PLIN5: variants seen among roughly 807,000 people sequenced by gnomAD.
The protein encoded by PLIN5 is perilipin 5.
In PLIN5, 34 loss-of-function variants were observed where a neutral mutation model predicts 32.8. That is an observed-to-expected ratio of 1.04 (90% CI 0.79 to 1.38). PLIN5 has a LOEUF of 1.38. Ranked by LOEUF, PLIN5 falls within the 40% of genes most tolerant of loss-of-function variation. The probability of loss-of-function intolerance (pLI) is 0.00; values close to 1 mark genes in which losing one functional copy is unlikely to be tolerated. For missense variants in PLIN5, 712 were observed against 660.5 expected (o/e 1.08, Z -0.85); for synonymous variants, 309 against 292.9 (o/e 1.05, Z -0.56).
At chr19:4,533,826 C>T (rs774822888) in intron 2 of PLIN5, 189 bp downstream of exon 2, 1 of 647,854 alleles carries the variant, frequency 1.5e-6, no homozygotes, top group Non-Finnish European at 2.6e-6. Flanking sequence ...AGAGACACTC[C>T]CCTCCCAGGG....
Position 4,523,079 on chromosome 19 carries a change from T to TTTTTTC in PLIN5, c.*448_*449insGAAAAA, listed in dbSNP as rs1491477649. 2.1e-5 allele frequency: 1 copy of TTTTTTC among 48,280 alleles called. No individual in the cohort carries two copies. The highest frequency in any genetic ancestry group is 2.6e-4 in the Admixed American group (1 of 3,862). The allele number at this position is 48,280 out of a possible 1,614,324, so 3.0% of individuals were successfully genotyped here. ...ACAGGTGCACACCACCACACCTGGCTTTTTTTTTTTTTTTCTTTCTTTCTA... is the reference window on the plus strand; with the variant it reads ...ACAGGTGCACACCACCACACCTGGCTTTTTTCTTTTTTTTTTTTTTCTTTCTTTCTA... On this transcript the variant is annotated 3_prime_UTR_variant, in exon 8 of 8. Coordinates refer to ENST00000381848, the MANE Select transcript of PLIN5 (RefSeq NM_001013706.3). The surrounding 1 kb of genome is among the most constrained non-coding windows in gnomAD (Gnocchi z 5.0).
rs1438200612 is a variant in PLIN5, at chr19:4,525,937, C to T, written c.521-105G>A. On this transcript the variant is annotated intron_variant, in intron 5 of 7. Coordinates refer to ENST00000381848, the MANE Select transcript of PLIN5 (RefSeq NM_001013706.3). The surrounding 1 kb of genome is among the most constrained non-coding windows in gnomAD (Gnocchi z 5.6). ...ACAGGATACGGGGACAGCACGGGGACAGGATACGGGGACAGCACGGGGACA... is the reference window on the plus strand; with the variant it reads ...ACAGGATACGGGGACAGCACGGGGATAGGATACGGGGACAGCACGGGGACA... 3.1e-6 allele frequency: 2 copies of T among 639,084 alleles called. No individual in the cohort carries two copies. The highest frequency in any genetic ancestry group is 1.9e-5 in the South Asian group (1 of 52,260). 39.6% of individuals were successfully genotyped at this position (639,084 alleles called of 1,614,324 possible).
chr19:4,534,131 C>T, intron 1 of PLIN5, 36 bp from the exon 2 acceptor site: 3 of 1,557,364 alleles, frequency 1.9e-6, no homozygotes, highest in Non-Finnish European at 2.6e-6. Flanking sequence ...AGCACCTGCC[C>T]AGGCATCAGA....
At position 4,525,882 on chromosome 19, in the gene PLIN5, AC is replaced by A. The variant is rs1976795704; in HGVS notation, c.521-51del. The A allele has an allele frequency of 1.2e-6, 1 of 845,428 alleles. No homozygotes were observed. Among genetic ancestry groups the A allele is most frequent in the African/African-American group, 3.4e-5 (1 of 29,354 alleles). 52.4% of individuals were successfully genotyped at this position (845,428 alleles called of 1,614,324 possible). A position where few individuals can be genotyped will look rare whatever the true frequency, so the allele number is the denominator to read the frequency against. On this transcript the variant is annotated intron_variant, in intron 5 of 7. Coordinates refer to ENST00000381848, the MANE Select transcript of PLIN5 (RefSeq NM_001013706.3). This position sits in a 1 kb window ranked among gnomAD's most constrained non-coding sequence, Gnocchi z 5.6. ...CACGGGGACAGGATACGGGGACAGCACGGGGACAGGATACGGGGACAGCACG... is the reference window on the plus strand; with the variant it reads ...CACGGGGACAGGATACGGGGACAGCAGGGGACAGGATACGGGGACAGCACG...
At chr19:4,533,959 G>A (rs1976917199) in intron 2 of PLIN5, 56 bp downstream of exon 2, 1 of 1,575,436 alleles carries the variant, frequency 6.3e-7, no homozygotes, top group Non-Finnish European at 8.6e-7. Context: ...GCTCCTAGAA[G>A]GGACTGTCCC....
Position 4,523,189 on chromosome 19 carries a change from T to G in PLIN5, c.*339A>C. The G allele has an allele frequency of 4.6e-6, 1 of 218,668 alleles. No homozygotes were observed. The highest frequency in any genetic ancestry group is 1.7e-4 in the South Asian group (1 of 5,980). The allele number at this position is 218,668 out of a possible 1,614,324, so 13.5% of individuals were successfully genotyped here. ...ATCCACCTGCCTCAGACTCCCAAAG[T>G]GCTGGGATTACAGGCGTGAGCCACT... On this transcript the variant is annotated 3_prime_UTR_variant, in exon 8 of 8. Transcript: ENST00000381848. This position sits in a 1 kb window ranked among gnomAD's most constrained non-coding sequence, Gnocchi z 5.0.
In PLIN5 at chr19:4,531,720, A is replaced by T; in HGVS notation, c.163T>A (p.Ser55Thr). Residue 55 changes from serine to threonine, a missense_variant, in exon 3 of 8, where the codon TCC becomes ACC. By Grantham distance (58) the Ser-to-Thr change is moderately conservative. Transcript: ENST00000381848. Reference protein sequence around the residue: ...AAKDRHPLLGSACRLAENCVC... With the variant: ...AAKDRHPLLGTACRLAENCVC... ...CAGTTCTCAGCCAGGCGGCAGGCGG[A>T]GCCCAGCAGCGGGTGCCTGTCCTTG... is the stretch of plus-strand genomic sequence containing the variant. 1 of 1,590,362 alleles carries T rather than the reference A, an allele frequency of 6.3e-7. No individual in the cohort carries two copies. The highest frequency in any genetic ancestry group is 2.3e-5 in the East Asian group (1 of 43,578).
intron 4 of PLIN5, 129 bp downstream of exon 4, chr19:4,529,655 C>T: frequency 2.0e-6 from 1 of 508,100 alleles, no homozygotes. Context: ...ACACACGTTG[C>T]AGTTATTTTA....
rs191817105 is a variant in PLIN5, at chr19:4,527,437, G to T, written c.521-1605C>A. ...ACCTCTAGTTCCATTTGTCTAGGAG[G>T]ATGAGGCAGGAGAATCACTTGAACC... On this transcript the variant is annotated intron_variant, in intron 5 of 7. Transcript: ENST00000381848. Among the ~76,000 whole-genome samples the T allele has an allele frequency of 2.1e-3, 305 of 145,944 alleles. 1 individual carries two copies. The highest frequency in any genetic ancestry group is 3.0e-3 in the Non-Finnish European group (200 of 66,762).
In PLIN5 at chr19:4,529,780, G is replaced by T; in HGVS notation, c.339+4C>A. On this transcript the variant is annotated splice_donor_region_variant and intron_variant, in intron 4 of 7. Coordinates refer to ENST00000381848, the MANE Select transcript of PLIN5 (RefSeq NM_001013706.3). ...AGGTCCCCATGTCTAGTCGTCCGGG[G>T]TACCGTCTCCGAAGGTTGCTGGAGA... is the stretch of plus-strand genomic sequence containing the variant. 2 of 1,611,614 alleles carry T rather than the reference G, an allele frequency of 1.2e-6. No individual in the cohort carries two copies. The highest frequency in any genetic ancestry group is 8.5e-7 in the Non-Finnish European group (1 of 1,178,264).
Position 4,525,950 on chromosome 19 carries a change from C to G in PLIN5, c.521-118G>C. ...ACAGCACGGGGACAGGATACGGGGA[C>G]AGCACGGGGACAGCATGGGGTCAGC... On this transcript the variant is annotated intron_variant, in intron 5 of 7. Transcript: ENST00000381848. The surrounding 1 kb of genome is among the most constrained non-coding windows in gnomAD (Gnocchi z 5.6). 1.5e-6 allele frequency: 1 copy of G among 663,372 alleles called. No individual in the cohort carries two copies. The highest frequency in any genetic ancestry group is 2.4e-6 in the Non-Finnish European group (1 of 409,700). The allele number at this position is 663,372 out of a possible 1,614,324, so 41.1% of individuals were successfully genotyped here. A position where few individuals can be genotyped will look rare whatever the true frequency, so the allele number is the denominator to read the frequency against.
intron 3 of PLIN5, among the ~76,000 whole-genome samples, 169 bp downstream of exon 3, chr19:4,531,458 G>A (rs1479899635): frequency 2.0e-5 from 3 of 152,000 alleles, no homozygotes; most frequent in Admixed American, 2.0e-4. Flanking sequence ...TCAGATTAAA[G>A]AAGGACTTAA....
rs1976861257 is a variant in PLIN5, at chr19:4,529,819, C to T, written c.304G>A (p.Glu102Lys). 1.9e-6 allele frequency: 3 copies of T among 1,612,080 alleles called. No individual in the cohort carries two copies. Among genetic ancestry groups the T allele is most frequent in the Middle Eastern group, 1.7e-4 (1 of 6,038 alleles). The change falls in exon 4 of 8, where the codon GAG becomes AAG. Residue 102 changes from glutamate (E) to lysine (K), a missense_variant. Physicochemically the swap from Glu to Lys is moderately conservative, Grantham distance 56. Coordinates refer to ENST00000381848, the MANE Select transcript of PLIN5 (RefSeq NM_001013706.3). ...LACRGLDKLE[E>K]KLPFLQQPSE... The stretch of plus-strand genomic sequence containing the variant: ...GGTTGCTGGAGAAAGGGAAGCTTCT[C>T]TTCCAGCTTGTCCAGGCCCCTGCAG...
intron 5 of PLIN5, among the ~76,000 whole-genome samples, chr19:4,527,928 GAGAT>G (rs1487331890): frequency 1.4e-5 from 2 of 139,784 alleles, no homozygotes; most frequent in African/African-American, 2.7e-5. Context: ...TTTTTTTTTT[GAGAT>G]AGAGTCTCGC....
At chr19:4,533,083 C>T (rs941205150) in intron 2 of PLIN5, 1 of 150,482 alleles carries the variant, frequency 6.6e-6, no homozygotes, top group African/African-American at 2.5e-5. Context: ...TCCAGGCAGG[C>T]ACCACCCCAC....
intron 3 of PLIN5, among the ~76,000 whole-genome samples, chr19:4,530,991 TTTTG>T (rs767979841): frequency 8.3e-5 from 12 of 144,038 alleles, no homozygotes; most frequent in Admixed American, 6.2e-4. Flanking sequence ...GATCAGTTTT[TTTTG>T]TTTGTTTTTG....
chr19:4,523,404 G>T lies in PLIN5; in HGVS notation c.*124C>A. 1.8e-6 allele frequency: 2 copies of T among 1,142,210 alleles called. No individual in the cohort carries two copies. Among genetic ancestry groups the T allele is most frequent in the Non-Finnish European group, 2.4e-6 (2 of 830,018 alleles). 70.8% of individuals were successfully genotyped at this position (1,142,210 alleles called of 1,614,324 possible). ...TACCAAAAAGGTGGTCAGAGATCCG[G>T]AGTTGGGCCTGATTCCAAAGAAGGG... is the stretch of plus-strand genomic sequence containing the variant. On this transcript the variant is annotated 3_prime_UTR_variant, in exon 8 of 8. Coordinates refer to ENST00000381848, the MANE Select transcript of PLIN5 (RefSeq NM_001013706.3). The surrounding 1 kb of genome is among the most constrained non-coding windows in gnomAD (Gnocchi z 5.0).
chr19:4,523,564 C>A lies in PLIN5; in HGVS notation c.1356G>T (p.Pro452=). The change falls in exon 8 of 8, where the codon CCG becomes CCT. Residue 452 remains proline (P), a synonymous_variant. Coordinates refer to ENST00000381848, the MANE Select transcript of PLIN5 (RefSeq NM_001013706.3). This position sits in a 1 kb window ranked among gnomAD's most constrained non-coding sequence, Gnocchi z 5.0. ...CEQEPETPSC[P]VKHTLMPELD... Reference sequence around the variant, plus strand: ...GCTCGGGCATCAGGGTGTGCTTGACCGGGCAGCTGGGGGTCTCGGGTTCCT... The same window carrying A: ...GCTCGGGCATCAGGGTGTGCTTGACAGGGCAGCTGGGGGTCTCGGGTTCCT... The A allele has an allele frequency of 6.3e-7, 1 of 1,592,512 alleles. No individual in the cohort carries two copies. Among genetic ancestry groups the A allele is most frequent in the East Asian group, 2.3e-5 (1 of 44,314 alleles).
rs770172740 is a variant in PLIN5 at position 4,524,991 on chromosome 19, C to T, written c.806G>A (p.Arg269His). 25 of 1,524,564 alleles carry T rather than the reference C, an allele frequency of 1.6e-5. No homozygotes were observed. The Admixed American group carries it at 2.1e-4, about 13-fold the overall frequency. The allele number at this position is 1,524,564 out of a possible 1,614,324, so 94.4% of individuals were successfully genotyped here. A position where few individuals can be genotyped will look rare whatever the true frequency, so the allele number is the denominator to read the frequency against. Residue 269 changes from arginine (R) to histidine (H), a missense_variant, in exon 7 of 8, where the codon CGC becomes CAC. Transcript: ENST00000381848. Reference protein sequence around the residue: ...VHELWGEWGQRPPESRRRSQA... With the variant: ...VHELWGEWGQHPPESRRRSQA... Reference sequence around the variant, plus strand: ...GCTCCGGCGGCGGCTCTCCGGAGGGCGCTGGCCCCATTCCCCCCACAGCTC... The same window carrying T: ...GCTCCGGCGGCGGCTCTCCGGAGGGTGCTGGCCCCATTCCCCCCACAGCTC...
Sources: allele counts gnomAD v4.1 joint callset (sites outside exome capture counted in the v4.1 genomes callset), GRCh38; gene constraint gnomAD v4.1.1; non-coding constraint Gnocchi (gnomAD v3.1); transcripts MANE v1.5; gene names NCBI Gene and HGNC (gene_info 2026-07-23, HGNC 2026-07-21).